Variants in TTC27 observed in about 807,000 individuals in gnomAD.
TTC27 encodes tetratricopeptide repeat protein 27.
TTC27 carries 79 observed loss-of-function variants against 115.9 expected under a neutral mutation model. The observed-to-expected ratio is 0.68, with a 90% CI of 0.57 to 0.82. The LOEUF (loss-of-function observed/expected upper bound fraction) is 0.82, where lower values mean the gene tolerates loss of function less well. TTC27 is among the 40% of genes least tolerant of loss of function. The pLI, the probability that TTC27 is intolerant of heterozygous loss-of-function variation, is 0.00. For synonymous variants in TTC27, 401 were observed against 356.0 expected (o/e 1.13, Z -1.42); for missense variants, 1,054 against 993.1 (o/e 1.06, Z -0.82).
At chr2:32,793,331 G>T (rs1488004933) in intron 16 of TTC27, among the ~76,000 whole-genome samples, 1 of 152,080 alleles carries the variant, frequency 6.6e-6, no homozygotes, top group Non-Finnish European at 1.5e-5. Flanking sequence ...AGAAATTAAG[G>T]CATTCCCAGA....
rs370600645 is a variant in TTC27, at chr2:32,734,047, A to T, written c.1329+124A>T. On this transcript the variant is annotated intron_variant, in intron 11 of 19. Coordinates refer to ENST00000317907, the MANE Select transcript of TTC27 (RefSeq NM_017735.5). Reference sequence around the variant, plus strand: ...ATATTTTGCTAAAGATAATAAATGTATCTGCCTGGGAATTGCTAACTACTT... The same window carrying T: ...ATATTTTGCTAAAGATAATAAATGTTTCTGCCTGGGAATTGCTAACTACTT... The T allele has an allele frequency of 2.0e-5, 12 of 614,870 alleles. No individual in the cohort carries two copies. In the South Asian group the frequency reaches 3.7e-4, roughly 19 times the overall value. The allele number at this position is 614,870 out of a possible 1,614,324, so 38.1% of individuals were successfully genotyped here.
At chr2:32,804,748 A>C (rs1671072983) in intron 16 of TTC27, among the ~76,000 whole-genome samples, 1 of 151,986 alleles carries the variant, frequency 6.6e-6, no homozygotes, top group African/African-American at 2.4e-5. Context: ...GAGATAAAAC[A>C]GTTTATATAG....
chr2:32,633,743 G>T (rs1330881903), intron 2 of TTC27, 133 bp from the exon 3 acceptor site: 12 of 1,010,416 alleles, frequency 1.2e-5, no homozygotes, highest in African/African-American at 1.7e-5. Flanking sequence ...TTTTTTTTTG[G>T]TAATACTCTA....
chr2:32,630,201 G>A (rs1224610017), intron 1 of TTC27, among the ~76,000 whole-genome samples: 1 of 152,160 alleles, frequency 6.6e-6, no homozygotes, highest in Non-Finnish European at 1.5e-5. Flanking sequence ...CCTTGACTAA[G>A]GAAACTTTTG....
intron 2 of TTC27, among the ~76,000 whole-genome samples, chr2:32,631,075 G>A (rs982339824): frequency 6.6e-6 from 1 of 152,090 alleles, no homozygotes; most frequent in Admixed American, 6.6e-5. Context: ...AGGCCGAGGC[G>A]GGCGGATCAC....
intron 9 of TTC27, among the ~76,000 whole-genome samples, chr2:32,688,881 A>G (rs1666724381): frequency 6.6e-6 from 1 of 152,092 alleles, no homozygotes; most frequent in South Asian, 2.1e-4. Flanking sequence ...ATGAGAAATG[A>G]AAGTATATGT....
intron 6 of TTC27, among the ~76,000 whole-genome samples, chr2:32,665,094 G>A (rs927253011): frequency 6.6e-6 from 1 of 151,820 alleles, no homozygotes; most frequent in Non-Finnish European, 1.5e-5. Context: ...TGATCCGCCC[G>A]CCTTGGCCTC....
chr2:32,750,630 A>C (rs1326548247), intron 12 of TTC27, among the ~76,000 whole-genome samples: 2 of 152,208 alleles, frequency 1.3e-5, no homozygotes, highest in Non-Finnish European at 2.9e-5. Context: ...TATTCCATAG[A>C]TTGTGTTTCA....
intron 10 of TTC27, among the ~76,000 whole-genome samples, chr2:32,723,559 A>G (rs1368330774): frequency 6.6e-6 from 1 of 152,154 alleles, no homozygotes; most frequent in African/African-American, 2.4e-5. Flanking sequence ...GAATGCTAGC[A>G]GGAACCTTTA....
intron 16 of TTC27, among the ~76,000 whole-genome samples, chr2:32,810,608 T>TG (rs1671287448): frequency 6.6e-6 from 1 of 152,170 alleles, no homozygotes; most frequent in Non-Finnish European, 1.5e-5. Flanking sequence ...GTAACCTGTC[T>TG]GGTAGGTATT....
chr2:32,649,499 C>T (rs988792970), intron 4 of TTC27, among the ~76,000 whole-genome samples: 1 of 151,154 alleles, frequency 6.6e-6, no homozygotes, highest in Admixed American at 6.6e-5. Flanking sequence ...AGTTGGTACT[C>T]GGATTAAAGT....
intron 9 of TTC27, among the ~76,000 whole-genome samples, chr2:32,701,834 G>A (rs541755029): frequency 1.3e-5 from 2 of 151,946 alleles, no homozygotes; most frequent in African/African-American, 4.8e-5. Context: ...GCGAGATCCT[G>A]TCTCTACAAA....
intron 13 of TTC27, among the ~76,000 whole-genome samples, chr2:32,762,402 C>A (rs1180754845): frequency 2.1e-4 from 32 of 151,046 alleles, no homozygotes; most frequent in Non-Finnish European, 1.2e-4. Flanking sequence ...AGTGCGAAAC[C>A]TAGACTGGAG....
intron 17 of TTC27, 63 bp downstream of exon 17, chr2:32,811,284 T>C (rs2148047093): frequency 1.4e-6 from 2 of 1,452,830 alleles, no homozygotes; most frequent in Admixed American, 2.0e-5. Context: ...TAGATCTACT[T>C]TTTTGATGGG....
chr2:32,753,429 CTTTTTTT>C (rs776515945), intron 12 of TTC27, among the ~76,000 whole-genome samples: 985 of 72,904 alleles, frequency 0.014, 13 homozygotes, highest in African/African-American at 0.051. Flanking sequence ...AATCAAATGC[CTTTTTTT>C]TTTTTTTTTT....
chr2:32,643,114 T>G (rs1664718047), intron 4 of TTC27, among the ~76,000 whole-genome samples: 1 of 151,118 alleles, frequency 6.6e-6, no homozygotes, highest in Non-Finnish European at 1.5e-5. Context: ...GGACTACAGG[T>G]GTGCACCACC....
chr2:32,652,526 C>A (rs929900170), intron 5 of TTC27, among the ~76,000 whole-genome samples: 1 of 152,072 alleles, frequency 6.6e-6, no homozygotes, highest in Non-Finnish European at 1.5e-5. Flanking sequence ...GACTCATTCC[C>A]AAAGAGGTCT....
At chr2:32,727,264 T>G (rs890242561) in intron 10 of TTC27, among the ~76,000 whole-genome samples, 3 of 152,218 alleles carry the variant, frequency 2.0e-5, no homozygotes, top group Non-Finnish European at 2.9e-5. Context: ...AGTTTTAAAT[T>G]TTTTTGTGAA....
intron 16 of TTC27, among the ~76,000 whole-genome samples, chr2:32,800,102 G>C (rs1000688891): frequency 9.9e-5 from 15 of 152,198 alleles, no homozygotes; most frequent in African/African-American, 3.6e-4. Flanking sequence ...GATTAAATAA[G>C]TTAATAGACT....
Sources: allele counts gnomAD v4.1 joint callset (sites outside exome capture counted in the v4.1 genomes callset), GRCh38; gene constraint gnomAD v4.1.1; transcripts MANE v1.5; gene names NCBI Gene and HGNC (gene_info 2026-07-23, HGNC 2026-07-21).